TOX: variants seen among roughly 807,000 people sequenced by gnomAD.
TOX encodes the protein thymocyte selection-associated high mobility group box protein TOX.
In TOX, 11 loss-of-function variants were observed where a neutral mutation model predicts 53.7. The observed-to-expected ratio is 0.20, with a 90% CI of 0.13 to 0.34. TOX has a LOEUF of 0.34. Among genes scored for constraint, TOX ranks in the 10% least tolerant of loss-of-function variants. The pLI, the probability that TOX is intolerant of heterozygous loss-of-function variation, is 1.00. For synonymous variants in TOX, 225 were observed against 245.3 expected (o/e 0.92, Z 0.77); for missense variants, 570 against 664.6 (o/e 0.86, Z 1.56).
intron 3 of TOX, among the ~76,000 whole-genome samples, chr8:58,904,155 T>C (rs1331344079): frequency 1.3e-5 from 2 of 152,286 alleles, no homozygotes; most frequent in Admixed American, 6.5e-5. Flanking sequence ...CTAAGAAAGA[T>C]ACTAAAATTC....
chr8:59,019,745 T>C (rs1814086801), intron 1 of TOX, among the ~76,000 whole-genome samples: 1 of 152,208 alleles, frequency 6.6e-6, no homozygotes, highest in Non-Finnish European at 1.5e-5. Flanking sequence ...TTTGACCATA[T>C]AAAATGGAAT....
At chr8:58,925,260 A>C (rs1416498543) in intron 3 of TOX, among the ~76,000 whole-genome samples, 8 of 152,254 alleles carry the variant, frequency 5.3e-5, no homozygotes, top group African/African-American at 1.9e-4. Context: ...AAATCATGTC[A>C]GTTACAGTAT....
chr8:58,847,523 A>T (rs1294743447), intron 4 of TOX, among the ~76,000 whole-genome samples: 1 of 152,148 alleles, frequency 6.6e-6, no homozygotes, highest in Non-Finnish European at 1.5e-5. Context: ...AGAAAATATG[A>T]AAAAGAGTCA....
intron 3 of TOX, among the ~76,000 whole-genome samples, chr8:58,907,796 T>C (rs112437843): frequency 0.024 from 3,618 of 152,284 alleles, 154 homozygotes; most frequent in African/African-American, 0.082. Context: ...ATAAAACTAG[T>C]GGCAATTCCT....
intron 1 of TOX, among the ~76,000 whole-genome samples, chr8:58,983,996 C>T (rs1349729999): frequency 6.6e-6 from 1 of 152,134 alleles, no homozygotes; most frequent in East Asian, 1.9e-4. Context: ...AGGAGAAAAA[C>T]TTAAGGTAAA....
At chr8:59,018,851 C>A (rs1814065523) in intron 1 of TOX, among the ~76,000 whole-genome samples, 1 of 152,122 alleles carries the variant, frequency 6.6e-6, no homozygotes, top group Admixed American at 6.5e-5. Context: ...ACTATGACTA[C>A]CCAGGACTGA....
At chr8:59,000,078 G>A (rs549806250) in intron 1 of TOX, among the ~76,000 whole-genome samples, 1 of 152,196 alleles carries the variant, frequency 6.6e-6, no homozygotes, top group South Asian at 2.1e-4. Flanking sequence ...ATATAATCAG[G>A]TACCCTTTTA....
In TOX at chr8:58,851,614, G is replaced by A; in HGVS notation, c.603C>T (p.Pro201=). ...TTCCAGGTGGAGATGGTGAGTTGTG[G>A]GGAACATTGCTTCCTCCCATATTCA... ...LGLNMGGSNV[P]HNSPSPPGSK... The change falls in exon 4 of 9, where the codon CCC becomes CCT. Residue 201 remains proline, a synonymous_variant. Coordinates refer to ENST00000361421, the MANE Select transcript of TOX (RefSeq NM_014729.3). The surrounding 1 kb of genome is among the most constrained non-coding windows in gnomAD (Gnocchi z 4.4). The A allele has an allele frequency of 6.2e-7, 1 of 1,613,570 alleles. No individual in the cohort carries two copies. The highest frequency in any genetic ancestry group is 8.5e-7 in the Non-Finnish European group (1 of 1,179,754).
At position 59,048,816 on chromosome 8, in the gene TOX, A is replaced by G. The variant is rs150411678; in HGVS notation, c.102+70070T>C. On this transcript the variant is annotated intron_variant, in intron 1 of 8. Transcript: ENST00000361421. ...CCATCACATCAAGCATGCCAGAAAT[A>G]TTATATTTTAAGTTACATCATCCAT... is the stretch of plus-strand genomic sequence containing the variant. Among the ~76,000 whole-genome samples, 321 of 152,292 alleles carry G rather than the reference A, an allele frequency of 2.1e-3. 2 individuals are homozygous for G. The highest frequency in any genetic ancestry group is 7.5e-3 in the African/African-American group (310 of 41,566).
chr8:58,913,693 T>TA (rs1811948415), intron 3 of TOX, among the ~76,000 whole-genome samples: 1 of 152,196 alleles, frequency 6.6e-6, no homozygotes, highest in Admixed American at 6.5e-5. Flanking sequence ...GCCTTGAAGC[T>TA]AGTAGATGCT....
At chr8:58,929,081 A>C (rs1193148629) in intron 3 of TOX, among the ~76,000 whole-genome samples, 1 of 152,150 alleles carries the variant, frequency 6.6e-6, no homozygotes, top group Non-Finnish European at 1.5e-5. Context: ...CCTGAATTAC[A>C]AAAAGAAGTT....
intron 5 of TOX, among the ~76,000 whole-genome samples, chr8:58,828,970 C>T (rs143689088): frequency 6.6e-6 from 1 of 152,218 alleles, no homozygotes; most frequent in East Asian, 1.9e-4. Flanking sequence ...TATTAATATG[C>T]TACTCCAAGT....
At chr8:58,838,450 T>G (rs1810585221) in intron 4 of TOX, 139 bp from the exon 5 acceptor site, 1 of 675,822 alleles carries the variant, frequency 1.5e-6, no homozygotes, top group Admixed American at 3.0e-5. Context: ...ACACATTGTT[T>G]TGTTATTTTT....
chr8:59,060,559 G>A (rs1803964776), intron 1 of TOX, among the ~76,000 whole-genome samples: 1 of 152,152 alleles, frequency 6.6e-6, no homozygotes, highest in Non-Finnish European at 1.5e-5. Flanking sequence ...CCCAGGAGGC[G>A]GAGCTTGCGG....
Position 59,118,780 on chromosome 8 carries a change from C to A in TOX, c.102+106G>T, listed in dbSNP as rs967448321. On this transcript the variant is annotated intron_variant, in intron 1 of 8. Transcript: ENST00000361421. The surrounding 1 kb of genome is among the most constrained non-coding windows in gnomAD (Gnocchi z 4.1). The stretch of plus-strand genomic sequence containing the variant: ...CAGCGGGCTGCGAGCCGAGCGCGCC[C>A]GGGACCGGCCTCCGCCAAGCCGGCC... 3 of 724,634 alleles carry A rather than the reference C, an allele frequency of 4.1e-6. No individual in the cohort carries two copies. The highest frequency in any genetic ancestry group is 2.5e-5 in the South Asian group (1 of 40,674). 44.9% of individuals were successfully genotyped at this position (724,634 alleles called of 1,614,324 possible).
At chr8:58,993,699 G>T (rs1465780548) in intron 1 of TOX, among the ~76,000 whole-genome samples, 3 of 152,178 alleles carry the variant, frequency 2.0e-5, no homozygotes, top group Non-Finnish European at 4.4e-5. Flanking sequence ...ATGAGATCAA[G>T]GGCAGGGAGG....
chr8:58,968,156 A>T (rs900457320), intron 1 of TOX, among the ~76,000 whole-genome samples: 18 of 152,218 alleles, frequency 1.2e-4, no homozygotes, highest in African/African-American at 3.9e-4. Context: ...CAAGCAATCC[A>T]TTTTCATTAT....
chr8:58,943,288 G>C (rs1196884181), intron 2 of TOX, among the ~76,000 whole-genome samples: 6 of 152,182 alleles, frequency 3.9e-5, no homozygotes, highest in Non-Finnish European at 8.8e-5. Flanking sequence ...AGTCACAGCA[G>C]CAGTTCTGAT....
chr8:58,897,703 CT>C (rs10649827), intron 3 of TOX, among the ~76,000 whole-genome samples: 6 of 148,376 alleles, frequency 4.0e-5, no homozygotes, highest in Non-Finnish European at 6.0e-5. Flanking sequence ...AAATGGAAGT[CT>C]TTTTTTTTTA....
Sources: allele counts gnomAD v4.1 joint callset (sites outside exome capture counted in the v4.1 genomes callset), GRCh38; gene constraint gnomAD v4.1.1; non-coding constraint Gnocchi (gnomAD v3.1); transcripts MANE v1.5; gene names NCBI Gene and HGNC (gene_info 2026-07-23, HGNC 2026-07-21).